Variants in NUP98 observed in about 807,000 individuals in gnomAD.
NUP98 encodes nucleoporin 98 and 96 precursor, also known as nuclear pore complex protein Nup98-Nup96.
A neutral mutation model predicts 191.9 loss-of-function variants in NUP98; 26 were observed. That is an observed-to-expected ratio of 0.14 (90% CI 0.10 to 0.19). The LOEUF (loss-of-function observed/expected upper bound fraction) is 0.19. Ranked by LOEUF, NUP98 falls within the 10% of genes least tolerant of loss-of-function variation. The pLI, the probability that NUP98 is intolerant of heterozygous loss-of-function variation, is 1.00. For missense variants in NUP98, 1,941 were observed against 2,178.8 expected, an observed-to-expected ratio of 0.89 and a Z score of 2.17; for synonymous variants, 808 against 778.4, an observed-to-expected ratio of 1.04 and a Z score of -0.63.
At chr11:3,716,654 G>A (rs1006125788) in intron 18 of NUP98, among the ~76,000 whole-genome samples, 1 of 152,058 alleles carries the variant, frequency 6.6e-6, no homozygotes, top group Non-Finnish European at 1.5e-5. Context: ...GTTGCAGAGA[G>A]TCATGATCAC....
At chr11:3,707,049 T>C (rs1249796837) in intron 20 of NUP98, among the ~76,000 whole-genome samples, 1 of 152,226 alleles carries the variant, frequency 6.6e-6, no homozygotes, top group Admixed American at 6.5e-5. Flanking sequence ...AAGTCTCCAG[T>C]AACTTTGCTT....
intron 21 of NUP98, among the ~76,000 whole-genome samples, chr11:3,705,612 A>C (rs1326838308): frequency 6.6e-6 from 1 of 152,214 alleles, no homozygotes; most frequent in African/African-American, 2.4e-5. Flanking sequence ...TTGCTGATAA[A>C]ATAATTTTAA....
chr11:3,717,177 T>C (rs771426880), intron 18 of NUP98, among the ~76,000 whole-genome samples: 4 of 152,106 alleles, frequency 2.6e-5, no homozygotes, highest in Non-Finnish European at 5.9e-5. Flanking sequence ...GTATTTTTAG[T>C]AGAGGTGGGG....
chr11:3,773,759 C>T lies in NUP98; in HGVS notation c.496-20G>A. ...TGGAGGCTGCAAAGTTAAATAAAGG[C>T]AAATTTGTAGGTCCAAGTTTTACAT... On this transcript the variant is annotated intron_variant, in intron 5 of 32. Transcript: ENST00000324932. 1 of 1,507,342 alleles carries T rather than the reference C, an allele frequency of 6.6e-7. No individual in the cohort carries two copies. The highest frequency in any genetic ancestry group is 9.2e-7 in the Non-Finnish European group (1 of 1,088,478). The allele number at this position is 1,507,342 out of a possible 1,614,324, so 93.4% of individuals were successfully genotyped here.
At chr11:3,697,741 A>G (rs981031010) in intron 25 of NUP98, among the ~76,000 whole-genome samples, 19 of 150,248 alleles carry the variant, frequency 1.3e-4, no homozygotes, top group African/African-American at 4.6e-4. Flanking sequence ...GCTTGAACCC[A>G]GGAAGTAAAG....
Position 3,691,500 on chromosome 11 carries a change from A to G in NUP98, c.4312-11T>C. On this transcript the variant is annotated splice_polypyrimidine_tract_variant and intron_variant, in intron 27 of 32. Transcript: ENST00000324932. ...ACTGTCAGAGGTATTCTGAAGGAAT[A>G]ATTTGATAAAACAATACATTAGCTC... 6.2e-7 allele frequency: 1 copy of G among 1,613,760 alleles called. No homozygotes were observed. The highest frequency in any genetic ancestry group is 8.5e-7 in the Non-Finnish European group (1 of 1,179,742).
At chr11:3,728,019 TC>T (rs1200201287) in intron 14 of NUP98, among the ~76,000 whole-genome samples, 1 of 152,032 alleles carries the variant, frequency 6.6e-6, no homozygotes, top group Non-Finnish European at 1.5e-5. Flanking sequence ...AGACCCCGTC[TC>T]AAAAACAAAA....
At chr11:3,793,546 A>G (rs1589994230) in intron 1 of NUP98, among the ~76,000 whole-genome samples, 2 of 151,900 alleles carry the variant, frequency 1.3e-5, no homozygotes, top group African/African-American at 4.8e-5. Flanking sequence ...TCAGCCTCCC[A>G]AAGTGCTGGA....
chr11:3,755,234 T>C lies in NUP98; in HGVS notation c.1175-1826A>G, dbSNP rs183033641. On this transcript the variant is annotated intron_variant, in intron 10 of 32. Coordinates refer to ENST00000324932, the MANE Select transcript of NUP98 (RefSeq NM_016320.5). ...ACATTGGGAGGCAGAGGCAGGTGGATCACTTGAGGAAAGGAGTTTAAGACT... is the reference window on the plus strand; with the variant it reads ...ACATTGGGAGGCAGAGGCAGGTGGACCACTTGAGGAAAGGAGTTTAAGACT... Among the ~76,000 whole-genome samples the C allele has an allele frequency of 4.5e-3, 687 of 151,076 alleles. 5 individuals are homozygous for C. The highest frequency in any genetic ancestry group is 0.032 in the South Asian group (154 of 4,792).
At chr11:3,748,348 G>A (rs1056254798) in intron 11 of NUP98, among the ~76,000 whole-genome samples, 1 of 152,118 alleles carries the variant, frequency 6.6e-6, no homozygotes, top group African/African-American at 2.4e-5. Context: ...GGAGGATCAC[G>A]AGGTCAGGAG....
intron 10 of NUP98, among the ~76,000 whole-genome samples, chr11:3,753,907 C>T (rs1229417897): frequency 6.6e-6 from 1 of 150,784 alleles, no homozygotes; most frequent in Non-Finnish European, 1.5e-5. Flanking sequence ...CCACTGCACT[C>T]CAGCCTGGGC....
chr11:3,716,328 C>T (rs1262470840), intron 18 of NUP98, among the ~76,000 whole-genome samples: 9 of 151,820 alleles, frequency 5.9e-5, no homozygotes, highest in East Asian at 1.9e-4. Flanking sequence ...TGTCTTCTCC[C>T]GATCAAATAA....
At chr11:3,754,941 C>CA (rs34606573) in intron 10 of NUP98, among the ~76,000 whole-genome samples, 33,734 of 65,898 alleles carry the variant, frequency 0.51, 8,238 homozygotes, top group South Asian at 0.53. Context: ...GACACTATCT[C>CA]AAAAAAAAAA....
chr11:3,690,124 GTAT>G (rs1284651807), intron 28 of NUP98, among the ~76,000 whole-genome samples: 1 of 150,570 alleles, frequency 6.6e-6, no homozygotes, highest in Non-Finnish European at 1.5e-5. Flanking sequence ...GCTAATTTTC[GTAT>G]TTTTAGTAGA....
chr11:3,782,645 G>C (rs1163158074), intron 1 of NUP98, among the ~76,000 whole-genome samples: 1 of 142,842 alleles, frequency 7.0e-6, no homozygotes, highest in Non-Finnish European at 1.5e-5. Context: ...CTTGGTTCAA[G>C]TTATTCTCCT....
Position 3,731,488 on chromosome 11 carries a change from G to A in NUP98, c.1633C>T (p.Pro545Ser). The A allele has an allele frequency of 6.2e-7, 1 of 1,610,004 alleles. No individual in the cohort carries two copies. Among genetic ancestry groups the A allele is most frequent in the East Asian group, 2.2e-5 (1 of 44,760 alleles). ...LTPRPATRVR[P>S]KALQTTGTAK... ...GTGCCTGTTGTTTGTAAAGCCTTTG[G>A]CCGGACTCTAGTGGCAGGGCGGGGT... is the stretch of plus-strand genomic sequence containing the variant. Residue 545 changes from proline to serine, a missense_variant, in exon 14 of 33, where the codon CCA (proline) becomes TCA (serine). Physicochemically the swap from Pro to Ser is moderately conservative, Grantham distance 74. Transcript: ENST00000324932.
At chr11:3,711,837 C>A (rs1590008403) in intron 20 of NUP98, 6 of 1,032,236 alleles carry the variant, frequency 5.8e-6, no homozygotes, top group Non-Finnish European at 7.0e-6. Context: ...TCCAGAAATG[C>A]CTCCTAAGAG....
chr11:3,702,968 A>G, intron 22 of NUP98, 76 bp from the exon 23 acceptor site: 1 of 1,195,222 alleles, frequency 8.4e-7, no homozygotes, highest in South Asian at 1.5e-5. Context: ...AATAACAAAA[A>G]TCAGTAAGGC....
At chr11:3,712,102 C>G in intron 20 of NUP98, 3 of 1,053,012 alleles carry the variant, frequency 2.8e-6, no homozygotes, top group Non-Finnish European at 2.3e-6. Context: ...CAAGGTTACC[C>G]GAAGTATAAG....
Sources: gnomAD v4.1 joint callset for allele counts (sites outside exome capture counted in the v4.1 genomes callset) on GRCh38, gnomAD v4.1.1 for gene constraint, MANE v1.5 for transcripts, NCBI Gene and HGNC (gene_info 2026-07-23, HGNC 2026-07-21) for gene names.